GLIS1: variants seen among roughly 807,000 people sequenced by gnomAD.
GLIS1 encodes zinc finger protein GLIS1.
A neutral mutation model predicts 63.8 loss-of-function variants in GLIS1; 24 were observed. That is an observed-to-expected ratio of 0.38 (90% CI 0.27 to 0.53). The LOEUF is 0.53. Among genes scored for constraint, GLIS1 ranks in the 20% least tolerant of loss-of-function variants. GLIS1 has a pLI of 0.85. For synonymous variants in GLIS1, 450 were observed against 482.5 expected, an observed-to-expected ratio of 0.93 and a Z score of 0.88; for missense variants, 1,036 against 1,074.1, an observed-to-expected ratio of 0.96 and a Z score of 0.50.
intron 2 of GLIS1, among the ~76,000 whole-genome samples, chr1:53,684,714 C>T (rs1646312212): frequency 6.6e-6 from 1 of 152,222 alleles, no homozygotes; most frequent in African/African-American, 2.4e-5. Flanking sequence ...CTCCTTCATA[C>T]AGCTCCCACA....
intron 4 of GLIS1, among the ~76,000 whole-genome samples, chr1:53,546,506 CCT>C (rs1569798982): frequency 6.6e-6 from 1 of 152,216 alleles, no homozygotes; most frequent in Non-Finnish European, 1.5e-5. Flanking sequence ...CGTTACTCAG[CCT>C]CTCTGGTCCT....
Position 53,699,991 on chromosome 1 carries a change from T to A in GLIS1, c.259+37815A>T, listed in dbSNP as rs972628460. On this transcript the variant is annotated intron_variant, in intron 2 of 10. Coordinates refer to ENST00000628545, the MANE Select transcript of GLIS1 (RefSeq NM_001367484.1). ...CCTAAAACACAGAGAGGTTGAGTGA[T>A]CAGCAAAAGGTCACAGAGCCAGAAG... Among the ~76,000 whole-genome samples the A allele has an allele frequency of 3.3e-5, 5 of 152,128 alleles. 1 individual carries two copies. The highest frequency in any genetic ancestry group is 6.5e-5 in the Admixed American group (1 of 15,276).
At chr1:53,660,548 G>A (rs578151328) in intron 2 of GLIS1, among the ~76,000 whole-genome samples, 2 of 152,098 alleles carry the variant, frequency 1.3e-5, no homozygotes, top group African/African-American at 4.8e-5. Context: ...ACCCTAAGCT[G>A]AAGAAGGGTA....
chr1:53,510,180 T>C (rs1304160197), intron 8 of GLIS1, among the ~76,000 whole-genome samples, 153 bp from the exon 9 acceptor site: 2 of 152,352 alleles, frequency 1.3e-5, no homozygotes, highest in East Asian at 3.9e-4. Context: ...GAGCTTTTAT[T>C]TTTGGTCATG....
intron 2 of GLIS1, among the ~76,000 whole-genome samples, chr1:53,687,588 T>C (rs1646352738): frequency 6.6e-6 from 1 of 152,108 alleles, no homozygotes; most frequent in African/African-American, 2.4e-5. Flanking sequence ...GTGCGTTCTC[T>C]TCCCCAAACC....
chr1:53,517,196 C>T (rs1282205306), intron 7 of GLIS1, among the ~76,000 whole-genome samples: 1 of 152,004 alleles, frequency 6.6e-6, no homozygotes, highest in Non-Finnish European at 1.5e-5. Flanking sequence ...AGGAGTGGCT[C>T]CAGCTCAGGT....
intron 4 of GLIS1, among the ~76,000 whole-genome samples, chr1:53,570,508 G>A (rs1417105355): frequency 6.6e-6 from 1 of 152,112 alleles, no homozygotes; most frequent in African/African-American, 2.4e-5. Context: ...ACAAGACTGG[G>A]GTGGGAAATA....
At chr1:53,655,175 G>A (rs1645951002) in intron 2 of GLIS1, among the ~76,000 whole-genome samples, 1 of 152,128 alleles carries the variant, frequency 6.6e-6, no homozygotes, top group South Asian at 2.1e-4. Context: ...TCAGATGTAG[G>A]AATGCCCAGG....
At chr1:53,635,477 A>G (rs1645713921) in intron 2 of GLIS1, among the ~76,000 whole-genome samples, 1 of 152,154 alleles carries the variant, frequency 6.6e-6, no homozygotes, top group African/African-American at 2.4e-5. Context: ...AAAATTTATG[A>G]TTTTAATGTC....
At chr1:53,535,909 C>T (rs1451831065) in intron 4 of GLIS1, among the ~76,000 whole-genome samples, 1 of 152,088 alleles carries the variant, frequency 6.6e-6, no homozygotes, top group African/African-American at 2.4e-5. Context: ...TTGGTGCTGG[C>T]TTGGTGGCAT....
At chr1:53,665,507 G>C (rs1224327109) in intron 2 of GLIS1, among the ~76,000 whole-genome samples, 1 of 152,170 alleles carries the variant, frequency 6.6e-6, no homozygotes, top group African/African-American at 2.4e-5. Flanking sequence ...CTAACAGCTA[G>C]GTGCAGTGGC....
intron 4 of GLIS1, among the ~76,000 whole-genome samples, chr1:53,567,461 A>G (rs561787992): frequency 6.6e-6 from 1 of 152,276 alleles, no homozygotes; most frequent in Non-Finnish European, 1.5e-5. Flanking sequence ...ACCATGTGGT[A>G]GAAAAGAAAA....
chr1:53,575,782 G>A (rs1369193927), intron 4 of GLIS1, among the ~76,000 whole-genome samples: 1 of 152,186 alleles, frequency 6.6e-6, no homozygotes, highest in Non-Finnish European at 1.5e-5. Flanking sequence ...ACTGGGCTGG[G>A]ATGGGTGCAG....
chr1:53,572,536 T>C (rs1054891625), intron 4 of GLIS1, among the ~76,000 whole-genome samples: 4 of 152,198 alleles, frequency 2.6e-5, no homozygotes, highest in Non-Finnish European at 5.9e-5. Flanking sequence ...TCCAGCCCTG[T>C]CATAGGAGCA....
In GLIS1 at chr1:53,588,423, C is replaced by T. The variant is rs142551057; in HGVS notation, c.1320+5685G>A. On this transcript the variant is annotated intron_variant, in intron 4 of 10. Coordinates refer to ENST00000628545, the MANE Select transcript of GLIS1 (RefSeq NM_001367484.1). ...TAAACCTTCCCCAACTTTCGATTAT[C>T]AGCCCCTTCAGGGAACTTTCCCTGC... Among the ~76,000 whole-genome samples the T allele has an allele frequency of 2.4e-3, 361 of 152,334 alleles. 2 individuals are homozygous for T. Among genetic ancestry groups the T allele is most frequent in the African/African-American group, 8.3e-3 (347 of 41,566 alleles).
chr1:53,515,152 C>T (rs1458530431), intron 7 of GLIS1, among the ~76,000 whole-genome samples: 2 of 150,440 alleles, frequency 1.3e-5, no homozygotes, highest in Admixed American at 1.3e-4. Flanking sequence ...GGGCAGGCTG[C>T]CTCAAATCTC....
rs370020477 is a variant in GLIS1, at chr1:53,506,743, G to A, written c.2264C>T (p.Thr755Ile). Residue 755 changes from threonine to isoleucine, a missense_variant, in exon 11 of 11, where the codon ACA becomes ATA. Around this residue, in one of 3 missense-constraint regions of GLIS1, gnomAD observed 400 missense variants for 400.9 expected, o/e 1.00. Transcript: ENST00000628545. ...YEALAEASCP[T>I]ALPQQPSEDV... Reference sequence around the variant, plus strand: ...TTCAGATGGCTGCTGTGGCAGCGCTGTGGGGCATGAGGCCTCAGCCAGGGC... The same window carrying A: ...TTCAGATGGCTGCTGTGGCAGCGCTATGGGGCATGAGGCCTCAGCCAGGGC... 17 of 1,612,370 alleles carry A rather than the reference G, an allele frequency of 1.1e-5. No homozygotes were observed. The highest frequency in any genetic ancestry group is 1.4e-5 in the Non-Finnish European group (17 of 1,179,958).
chr1:53,588,109 G>A (rs890159704), intron 4 of GLIS1, among the ~76,000 whole-genome samples: 1 of 152,216 alleles, frequency 6.6e-6, no homozygotes, highest in East Asian at 1.9e-4. Flanking sequence ...ACTGAAAATC[G>A]CCCAACAAGC....
intron 2 of GLIS1, among the ~76,000 whole-genome samples, chr1:53,622,895 C>T (rs1384056928): frequency 6.6e-6 from 1 of 152,214 alleles, no homozygotes; most frequent in Non-Finnish European, 1.5e-5. Flanking sequence ...TCAGGAAATA[C>T]ATGCTTTTTA....
Sources: allele counts gnomAD v4.1 joint callset (sites outside exome capture counted in the v4.1 genomes callset), GRCh38; gene constraint gnomAD v4.1.1; regional missense constraint gnomAD v4.1.1; transcripts MANE v1.5; gene names NCBI Gene and HGNC (gene_info 2026-07-23, HGNC 2026-07-21).